The following MAGI1 variants were observed in gnomAD, a reference collection of about 807,000 sequenced individuals.
MAGI1 encodes membrane-associated guanylate kinase, WW and PDZ domain-containing protein 1.
In MAGI1, 58 loss-of-function variants were observed where a neutral mutation model predicts 139.9. The observed-to-expected ratio is 0.41, with a 90% CI of 0.34 to 0.52. MAGI1 has a LOEUF of 0.52. MAGI1 is among the 20% of genes least tolerant of loss of function. The pLI is 0.12. For synonymous variants in MAGI1, 812 were observed against 737.9 expected (o/e 1.10, Z -1.63); for missense variants, 1,874 against 1,901.6 (o/e 0.99, Z 0.27).
intron 1 of MAGI1, among the ~76,000 whole-genome samples, chr3:65,986,351 C>A (rs2065878050): frequency 1.3e-5 from 2 of 152,184 alleles, no homozygotes; most frequent in Admixed American, 6.5e-5. Flanking sequence ...CCCTTACAAC[C>A]TAAACGCTAA....
At chr3:65,643,264 T>G (rs1180689317) in intron 1 of MAGI1, among the ~76,000 whole-genome samples, 1 of 152,176 alleles carries the variant, frequency 6.6e-6, no homozygotes, top group Non-Finnish European at 1.5e-5. Context: ...ATAGAACTAG[T>G]TTTCTTAGTA....
intron 1 of MAGI1, among the ~76,000 whole-genome samples, chr3:65,807,320 T>C (rs1261496946): frequency 6.6e-6 from 1 of 152,142 alleles, no homozygotes; most frequent in African/African-American, 2.4e-5. Flanking sequence ...AAACAGAGCT[T>C]TCTTACTGTA....
rs115153612 is a variant in MAGI1, at chr3:65,624,274, A to G, written c.314-2186T>C. 3.8e-3 allele frequency among the ~76,000 whole-genome samples: 581 copies of G among 152,218 alleles called. 5 individuals are homozygous for G. The highest frequency in any genetic ancestry group is 0.014 in the African/African-American group (561 of 41,530). ...ACCCAACAATTCCACCCTTATTTAC[A>G]TGACAGAAATGAAAACAAGTCCACA... On this transcript the variant is annotated intron_variant, in intron 1 of 22. Transcript: ENST00000402939.
intron 2 of MAGI1, chr3:65,499,119 G>C: frequency 1.3e-6 from 1 of 777,680 alleles, no homozygotes; most frequent in Non-Finnish European, 1.6e-6. Flanking sequence ...TCAACTCCAC[G>C]ATTTGTTTTA....
intron 1 of MAGI1, among the ~76,000 whole-genome samples, chr3:65,734,562 AGAGAGAGG>A (rs1490126829): frequency 1.5e-5 from 2 of 129,608 alleles, no homozygotes; most frequent in East Asian, 3.9e-4. Context: ...AGAAAGAAAG[AGAGAGAGG>A]GAGAGAGAGA....
intron 1 of MAGI1, among the ~76,000 whole-genome samples, chr3:65,740,286 G>A (rs968088627): frequency 6.6e-6 from 1 of 152,150 alleles, no homozygotes; most frequent in African/African-American, 2.4e-5. Context: ...ACTGGTCATC[G>A]TGTGAGGGAC....
At chr3:65,540,037 G>C (rs1255971683) in intron 2 of MAGI1, among the ~76,000 whole-genome samples, 1 of 152,174 alleles carries the variant, frequency 6.6e-6, no homozygotes, top group African/African-American at 2.4e-5. Context: ...AGGCTTAAGA[G>C]CTTTCTCATA....
chr3:65,793,199 A>T (rs1282192848), intron 1 of MAGI1, among the ~76,000 whole-genome samples: 2 of 152,226 alleles, frequency 1.3e-5, no homozygotes, highest in African/African-American at 4.8e-5. Flanking sequence ...TCATCACATT[A>T]TCAGGTGTGC....
intron 2 of MAGI1, among the ~76,000 whole-genome samples, chr3:65,579,616 C>T (rs541129927): frequency 4.6e-5 from 7 of 152,122 alleles, no homozygotes; most frequent in African/African-American, 7.2e-5. Context: ...GAGGCCAAGG[C>T]GGGTAGGTCA....
At chr3:65,639,416 TG>T (rs999634763) in intron 1 of MAGI1, among the ~76,000 whole-genome samples, 1 of 152,164 alleles carries the variant, frequency 6.6e-6, no homozygotes, top group African/African-American at 2.4e-5. Flanking sequence ...AGAAGAACTC[TG>T]GGCAAGGAGT....
At chr3:65,758,724 G>C (rs78715491) in intron 1 of MAGI1, among the ~76,000 whole-genome samples, 3,184 of 152,132 alleles carry the variant, frequency 0.021, 74 homozygotes, top group African/African-American at 0.064. Flanking sequence ...ACAACAAGAA[G>C]TATTCGGCCT....
chr3:65,580,549 T>C (rs528893388), intron 2 of MAGI1, among the ~76,000 whole-genome samples: 1 of 152,154 alleles, frequency 6.6e-6, no homozygotes, highest in Non-Finnish European at 1.5e-5. Context: ...ACACAGGTTA[T>C]TTTTTTCAAT....
chr3:65,471,477 G>C (rs755699609), intron 4 of MAGI1, among the ~76,000 whole-genome samples: 3 of 152,154 alleles, frequency 2.0e-5, no homozygotes, highest in Non-Finnish European at 4.4e-5. Flanking sequence ...ACACACATGA[G>C]AGTAAAGGTA....
At chr3:65,474,560 G>A (rs1271046049) in intron 4 of MAGI1, among the ~76,000 whole-genome samples, 2 of 152,056 alleles carry the variant, frequency 1.3e-5, no homozygotes, top group South Asian at 2.1e-4. Context: ...AAACAGAAAC[G>A]AACATGAATG....
At chr3:65,958,123 T>G (rs1374398179) in intron 1 of MAGI1, among the ~76,000 whole-genome samples, 3 of 152,144 alleles carry the variant, frequency 2.0e-5, no homozygotes, top group Non-Finnish European at 4.4e-5. Flanking sequence ...CCACTGCGAT[T>G]TATGCCCTTC....
At chr3:65,792,412 C>T (rs964759747) in intron 1 of MAGI1, among the ~76,000 whole-genome samples, 2 of 152,002 alleles carry the variant, frequency 1.3e-5, no homozygotes, top group African/African-American at 4.8e-5. Flanking sequence ...TTGCAGTGAG[C>T]GAAGATCATG....
At chr3:65,799,073 C>T (rs981937738) in intron 1 of MAGI1, among the ~76,000 whole-genome samples, 4 of 152,112 alleles carry the variant, frequency 2.6e-5, no homozygotes, top group African/African-American at 9.7e-5. Flanking sequence ...CTGTAATGTG[C>T]TTCTGTTAGT....
intron 1 of MAGI1, among the ~76,000 whole-genome samples, chr3:65,646,796 T>C (rs555000878): frequency 6.6e-6 from 1 of 151,986 alleles, no homozygotes; most frequent in East Asian, 1.9e-4. Flanking sequence ...AAAACAAAAC[T>C]CATGGATCAA....
chr3:65,411,626 C>T (rs1005530917), intron 12 of MAGI1, among the ~76,000 whole-genome samples: 1 of 152,160 alleles, frequency 6.6e-6, no homozygotes, highest in African/African-American at 2.4e-5. Flanking sequence ...AAAGGAAAAC[C>T]TATCACTGTA....
Sources: allele counts gnomAD v4.1 joint callset (sites outside exome capture counted in the v4.1 genomes callset), GRCh38; gene constraint gnomAD v4.1.1; transcripts MANE v1.5; gene names NCBI Gene and HGNC (gene_info 2026-07-23, HGNC 2026-07-21).